Variants in PLEKHA6 observed in about 807,000 individuals in gnomAD.
PLEKHA6 encodes the protein pleckstrin homology domain-containing family A member 6.
A neutral mutation model predicts 116.7 loss-of-function variants in PLEKHA6; 60 were observed. The observed-to-expected ratio is 0.51, with a 90% CI of 0.42 to 0.64. The LOEUF (loss-of-function observed/expected upper bound fraction) is 0.64. PLEKHA6 is among the 30% of genes least tolerant of loss of function. The pLI is 0.00. For synonymous variants in PLEKHA6, 489 were observed against 556.1 expected (o/e 0.88, Z 1.70); for missense variants, 1,338 against 1,422.7 (o/e 0.94, Z 0.96).
At chr1:204,366,781 T>C (rs899640835) in intron 3 of PLEKHA6, among the ~76,000 whole-genome samples, 1 of 152,092 alleles carries the variant, frequency 6.6e-6, no homozygotes, top group African/African-American at 2.4e-5. Flanking sequence ...AAAAATAGGT[T>C]AGCGGCTAAG....
chr1:204,283,181 C>A (rs1231017355), intron 1 of PLEKHA6, among the ~76,000 whole-genome samples: 2 of 151,696 alleles, frequency 1.3e-5, no homozygotes, highest in African/African-American at 2.4e-5. Flanking sequence ...GAGCAGCGAC[C>A]CCACCCTGCC....
At chr1:204,270,032 T>C (rs1040022132) in intron 3 of PLEKHA6, among the ~76,000 whole-genome samples, 4 of 152,140 alleles carry the variant, frequency 2.6e-5, no homozygotes, top group African/African-American at 9.7e-5. Flanking sequence ...CCTCCAACAC[T>C]CCTAAACCTC....
intron 1 of PLEKHA6, among the ~76,000 whole-genome samples, chr1:204,328,049 T>A (rs1401738241): frequency 7.9e-3 from 24 of 3,038 alleles, no homozygotes; most frequent in East Asian, 0.036. Context: ...TTATTTATTT[T>A]ATTTATTTAT....
intron 5 of PLEKHA6, among the ~76,000 whole-genome samples, chr1:204,265,326 G>A (rs1402908148): frequency 6.6e-6 from 1 of 152,120 alleles, no homozygotes; most frequent in Non-Finnish European, 1.5e-5. Context: ...GCATTCTAGT[G>A]CACAAATAAA....
At chr1:204,337,666 G>A (rs1672696878) in intron 1 of PLEKHA6, among the ~76,000 whole-genome samples, 2 of 152,230 alleles carry the variant, frequency 1.3e-5, no homozygotes, top group Admixed American at 1.3e-4. Context: ...GGGGTGACTG[G>A]AGACCTGGCT....
intron 1 of PLEKHA6, among the ~76,000 whole-genome samples, chr1:204,302,257 A>T (rs1670895006): frequency 6.6e-6 from 1 of 152,188 alleles, no homozygotes. Flanking sequence ...GTTAGAGACA[A>T]AGCTGGCCCT....
At position 204,241,412 on chromosome 1, in the gene PLEKHA6, C is replaced by T. The variant is rs1284614463; in HGVS notation, c.2372G>A (p.Arg791Lys). Residue 791 changes from arginine to lysine, a missense_variant, in exon 17 of 23, where the codon AGG becomes AAG. Transcript: ENST00000272203. ...TCCATTGGTGAGCCCACTGGCATTCCTTCTTACCACTGCTGATGGGGTCAC... is the reference window on the plus strand; with the variant it reads ...TCCATTGGTGAGCCCACTGGCATTCTTTCTTACCACTGCTGATGGGGTCAC... ...DEVTPSAVVR[R>K]NASGLTNGLS... 1.9e-6 allele frequency: 3 copies of T among 1,612,012 alleles called. No homozygotes were observed. The highest frequency in any genetic ancestry group is 2.5e-6 in the Non-Finnish European group (3 of 1,179,204).
chr1:204,297,864 T>C, intron 1 of PLEKHA6: 1 of 984,344 alleles, frequency 1.0e-6, no homozygotes, highest in Non-Finnish European at 1.2e-6. Context: ...TTGCCCAACC[T>C]CCACAAGGTC....
intron 1 of PLEKHA6, among the ~76,000 whole-genome samples, chr1:204,291,623 T>C (rs1669761782): frequency 6.6e-6 from 1 of 152,216 alleles, no homozygotes. Context: ...ATATGCAGCA[T>C]AATGGATGAA....
chr1:204,308,991 A>G, intron 1 of PLEKHA6: 1 of 743,676 alleles, frequency 1.3e-6, no homozygotes, highest in Non-Finnish European at 1.6e-6. Context: ...GCCCGGCCTC[A>G]AGAAGGTAAT....
At chr1:204,281,657 T>C (rs771541472) in intron 1 of PLEKHA6, among the ~76,000 whole-genome samples, 1 of 152,208 alleles carries the variant, frequency 6.6e-6, no homozygotes, top group Non-Finnish European at 1.5e-5. Flanking sequence ...ACCAGTTCTC[T>C]GGGTGCTGGG....
rs759150590 is a variant in PLEKHA6, at chr1:204,228,110, C to T, written c.3004G>A (p.Ala1002Thr). 1 of 1,612,716 alleles carries T rather than the reference C, an allele frequency of 6.2e-7. No homozygotes were observed. Among genetic ancestry groups the T allele is most frequent in the Non-Finnish European group, 8.5e-7 (1 of 1,179,268 alleles). The stretch of plus-strand genomic sequence containing the variant: ...GACAGCATGCGGCCCCTGCGGGAGG[C>T]CTCGGTCGCCAGGGCGCAGGAGATT... Reference protein sequence around the residue: ...IEISCALATEASRRGRMLSVQ... With the variant: ...IEISCALATETSRRGRMLSVQ... Residue 1002 changes from alanine (A) to threonine (T), a missense_variant, in exon 21 of 23, where the codon GCC becomes ACC. Ala to Thr is a moderately conservative substitution (Grantham distance 58). Around this residue, in one of 3 missense-constraint regions of PLEKHA6, gnomAD observed 1,136 missense variants for 1,163.6 expected, o/e 0.98. Coordinates refer to ENST00000272203, the MANE Select transcript of PLEKHA6 (RefSeq NM_014935.5). The surrounding 1 kb of genome is among the most constrained non-coding windows in gnomAD (Gnocchi z 4.0).
intron 1 of PLEKHA6, among the ~76,000 whole-genome samples, chr1:204,315,755 C>T (rs944568091): frequency 1.4e-4 from 22 of 152,284 alleles, no homozygotes; most frequent in Admixed American, 1.0e-3. Context: ...CCAACAAAAC[C>T]ATCCTCCCGT....
intron 1 of PLEKHA6, among the ~76,000 whole-genome samples, chr1:204,293,965 A>G (rs1670020901): frequency 6.6e-6 from 1 of 152,234 alleles, no homozygotes; most frequent in African/African-American, 2.4e-5. Flanking sequence ...TGAAATTTCA[A>G]TATGGACTGT....
intron 15 of PLEKHA6, 103 bp from the exon 16 acceptor site, chr1:204,241,917 T>C (rs1662878016): frequency 2.3e-6 from 3 of 1,277,158 alleles, no homozygotes; most frequent in African/African-American, 2.9e-5. Context: ...CTCAAACCCT[T>C]GCAGATACAA....
chr1:204,245,341 C>T (rs190204818), intron 14 of PLEKHA6, among the ~76,000 whole-genome samples: 87 of 152,160 alleles, frequency 5.7e-4, no homozygotes, highest in African/African-American at 2.0e-3. Flanking sequence ...TGCTTGGGGG[C>T]TGGGGAGGCT....
At chr1:204,299,938 G>A (rs975788677) in intron 1 of PLEKHA6, among the ~76,000 whole-genome samples, 2 of 152,046 alleles carry the variant, frequency 1.3e-5, no homozygotes, top group Non-Finnish European at 2.9e-5. Flanking sequence ...CTGATGGCAG[G>A]CTCCTCACCA....
chr1:204,270,778 C>T (rs1388871445), intron 3 of PLEKHA6, among the ~76,000 whole-genome samples: 1 of 152,356 alleles, frequency 6.6e-6, no homozygotes, highest in Non-Finnish European at 1.5e-5. Flanking sequence ...TTCCTCAGCA[C>T]AGCACAGAGG....
rs1329437836 is a variant in PLEKHA6 at position 204,219,355 on chromosome 1, C to T, written c.*3433G>A. On this transcript the variant is annotated 3_prime_UTR_variant, in exon 23 of 23. Coordinates refer to ENST00000272203, the MANE Select transcript of PLEKHA6 (RefSeq NM_014935.5). ...GGAATTGGTTCCCTCTTGCCGTAGC[C>T]AGCCCTGCCCAAGAACATGCCTCTC... The T allele has an allele frequency of 6.6e-6, 1 of 152,392 alleles. No individual in the cohort carries two copies. Among genetic ancestry groups the T allele is most frequent in the African/African-American group, 2.4e-5 (1 of 41,344 alleles). 9.4% of individuals were successfully genotyped at this position (152,392 alleles called of 1,614,324 possible).
Sources: allele counts gnomAD v4.1 joint callset (sites outside exome capture counted in the v4.1 genomes callset), GRCh38; gene constraint gnomAD v4.1.1; regional missense constraint gnomAD v4.1.1; non-coding constraint Gnocchi (gnomAD v3.1); transcripts MANE v1.5; gene names NCBI Gene and HGNC (gene_info 2026-07-23, HGNC 2026-07-21).